The following JAZF1 variants were observed in gnomAD, a reference collection of about 807,000 sequenced individuals.
The protein encoded by JAZF1 is juxtaposed with another zinc finger protein 1.
JAZF1 carries 8 observed loss-of-function variants against 26.4 expected under a neutral mutation model. The ratio of observed to expected loss-of-function variants is 0.30; its 90% CI spans 0.18 to 0.55. JAZF1 has a LOEUF of 0.55. Among genes scored for constraint, JAZF1 ranks in the 20% least tolerant of loss-of-function variants. The probability of loss-of-function intolerance (pLI) is 0.94; values close to 1 mark genes in which losing one functional copy is unlikely to be tolerated. For missense variants in JAZF1, 199 were observed against 322.0 expected (o/e 0.62, Z 2.92); for synonymous variants, 126 against 122.3 (o/e 1.03, Z -0.20).
chr7:27,845,941 G>T (rs994185408), intron 3 of JAZF1, among the ~76,000 whole-genome samples: 7 of 151,862 alleles, frequency 4.6e-5, no homozygotes, highest in Non-Finnish European at 8.8e-5. Flanking sequence ...ATGCTTCAAG[G>T]GAAAGGGACA....
intron 3 of JAZF1, among the ~76,000 whole-genome samples, chr7:27,892,990 T>C (rs1177411702): frequency 6.6e-6 from 1 of 152,204 alleles, no homozygotes; most frequent in African/African-American, 2.4e-5. Context: ...GCAACTCTGG[T>C]TTATCTCCCA....
chr7:28,037,193 A>T (rs1351792060), intron 1 of JAZF1, among the ~76,000 whole-genome samples: 1 of 152,262 alleles, frequency 6.6e-6, no homozygotes, highest in Non-Finnish European at 1.5e-5. Flanking sequence ...CACAATAAAT[A>T]TTATGTTTTC....
intron 3 of JAZF1, chr7:27,842,651 G>A (rs758997742): frequency 1.3e-5 from 2 of 152,174 alleles, no homozygotes; most frequent in Non-Finnish European, 2.9e-5. Flanking sequence ...TGGCCACGTT[G>A]CTTGGGGTCT....
chr7:28,072,393 G>C (rs2127911054), intron 1 of JAZF1, among the ~76,000 whole-genome samples: 1 of 152,302 alleles, frequency 6.6e-6, no homozygotes, highest in African/African-American at 2.4e-5. Flanking sequence ...AATCTGTTCA[G>C]GCTGAAGAAT....
intron 2 of JAZF1, among the ~76,000 whole-genome samples, chr7:27,939,159 A>G (rs1179597839): frequency 6.6e-6 from 1 of 152,172 alleles, no homozygotes; most frequent in Non-Finnish European, 1.5e-5. Context: ...TCCTGCTTCA[A>G]AATGATATGG....
chr7:28,121,674 A>G (rs1562594769), intron 1 of JAZF1, among the ~76,000 whole-genome samples: 1 of 152,216 alleles, frequency 6.6e-6, no homozygotes, highest in African/African-American at 2.4e-5. Context: ...CATACACGTG[A>G]CCAATGTAGA....
intron 3 of JAZF1, among the ~76,000 whole-genome samples, chr7:27,866,253 C>T (rs1472221926): frequency 6.6e-6 from 1 of 152,204 alleles, no homozygotes; most frequent in Non-Finnish European, 1.5e-5. Flanking sequence ...AAAGGAGCCA[C>T]AATGATGATA....
In JAZF1 at chr7:28,103,361, AGGCC is replaced by A. The variant is rs540099763; in HGVS notation, c.115+77098_115+77101del. 3.6e-4 allele frequency among the ~76,000 whole-genome samples: 55 copies of A among 152,184 alleles called. No individual in the cohort carries two copies. The Middle Eastern group carries it at 0.01, about 28-fold the overall frequency. On this transcript the variant is annotated intron_variant, in intron 1 of 4. Coordinates refer to ENST00000283928, the MANE Select transcript of JAZF1 (RefSeq NM_175061.4). The stretch of plus-strand genomic sequence containing the variant: ...GTGGCTGAGGTGGGAGGATCCCTTG[AGGCC>A]GGCCAGGGGTTTGAGGCTGTAGTGT...
intron 3 of JAZF1, among the ~76,000 whole-genome samples, chr7:27,847,341 A>T (rs528879544): frequency 6.6e-6 from 1 of 151,922 alleles, no homozygotes; most frequent in Admixed American, 6.6e-5. Context: ...TTCAGGTGTG[A>T]TATCCAAAAA....
At chr7:28,124,514 C>T (rs1286286209) in intron 1 of JAZF1, among the ~76,000 whole-genome samples, 2 of 152,184 alleles carry the variant, frequency 1.3e-5, no homozygotes, top group Non-Finnish European at 2.9e-5. Context: ...CTTTCATCTT[C>T]ATTTGACCAA....
intron 2 of JAZF1, among the ~76,000 whole-genome samples, chr7:27,919,574 CGAT>C (rs1168941501): frequency 6.6e-6 from 1 of 152,030 alleles, no homozygotes; most frequent in African/African-American, 2.4e-5. Flanking sequence ...ATGCATTTTA[CGAT>C]GATAAGGTAG....
At chr7:27,976,370 A>T (rs1253047269) in intron 2 of JAZF1, among the ~76,000 whole-genome samples, 2 of 121,554 alleles carry the variant, frequency 1.6e-5, no homozygotes, top group African/African-American at 5.6e-5. Flanking sequence ...AAAAAAAAAG[A>T]ATATATGGTC....
At chr7:27,918,647 A>G (rs963942131) in intron 2 of JAZF1, among the ~76,000 whole-genome samples, 1 of 152,194 alleles carries the variant, frequency 6.6e-6, no homozygotes, top group Non-Finnish European at 1.5e-5. Flanking sequence ...GCAGAGTTAT[A>G]CAGAAAATTT....
At chr7:28,051,209 A>C (rs952605793) in intron 1 of JAZF1, among the ~76,000 whole-genome samples, 1 of 150,890 alleles carries the variant, frequency 6.6e-6, no homozygotes, top group Non-Finnish European at 1.5e-5. Flanking sequence ...CTGTATTTTA[A>C]GTGAGTATAA....
chr7:27,904,293 C>T (rs895605276), intron 2 of JAZF1, among the ~76,000 whole-genome samples: 14 of 152,144 alleles, frequency 9.2e-5, no homozygotes, highest in African/African-American at 2.4e-4. Flanking sequence ...GCTTTCAGAA[C>T]GTACATCTGC....
chr7:28,027,389 AT>A (rs1783111964), intron 1 of JAZF1, among the ~76,000 whole-genome samples: 1 of 152,230 alleles, frequency 6.6e-6, no homozygotes, highest in Non-Finnish European at 1.5e-5. Context: ...GGTTATTAAA[AT>A]ACCCCTTATT....
chr7:28,036,894 C>T (rs569418603), intron 1 of JAZF1, among the ~76,000 whole-genome samples: 37 of 152,314 alleles, frequency 2.4e-4, no homozygotes, highest in African/African-American at 7.7e-4. Context: ...CAGCAACCCT[C>T]ACGGCAGCCC....
At chr7:28,064,455 C>T (rs148620818) in intron 1 of JAZF1, among the ~76,000 whole-genome samples, 198 of 152,216 alleles carry the variant, frequency 1.3e-3, no homozygotes, top group African/African-American at 4.7e-3. Context: ...TCCTATTTAT[C>T]ACCCATTCAA....
intron 1 of JAZF1, among the ~76,000 whole-genome samples, chr7:28,062,819 C>T (rs1413773085): frequency 2.6e-5 from 4 of 152,172 alleles, no homozygotes; most frequent in African/African-American, 9.7e-5. Context: ...ACTAAACTTC[C>T]TGTTTAAATT....
Sources: allele counts gnomAD v4.1 joint callset (sites outside exome capture counted in the v4.1 genomes callset), GRCh38; gene constraint gnomAD v4.1.1; transcripts MANE v1.5; gene names NCBI Gene and HGNC (gene_info 2026-07-23, HGNC 2026-07-21).